Variants in MCPH1 observed in about 807,000 individuals in gnomAD.
The protein encoded by MCPH1 is microcephalin.
In MCPH1, 104 loss-of-function variants were observed where a neutral mutation model predicts 84.5. The observed-to-expected ratio is 1.23, with a 90% CI of 1.05 to 1.45. The LOEUF is 1.45. MCPH1 is among the 40% of genes most tolerant of loss of function. The pLI is 0.00. For synonymous variants in MCPH1, 514 were observed against 366.8 expected, an observed-to-expected ratio of 1.40 and a Z score of -4.58; for missense variants, 1,498 against 1,005.7, an observed-to-expected ratio of 1.49 and a Z score of -6.62.
At chr8:6,501,659 A>C (rs2442469) in intron 12 of MCPH1, 1 of 150,718 alleles carries the variant, frequency 6.6e-6, no homozygotes, top group Non-Finnish European at 1.5e-5. Flanking sequence ...GGTGCAAGCA[A>C]TTCTCCCTGC....
chr8:6,489,529 A>G (rs1473284900), intron 11 of MCPH1, among the ~76,000 whole-genome samples: 1 of 152,238 alleles, frequency 6.6e-6, no homozygotes, highest in Non-Finnish European at 1.5e-5. Context: ...GATGAATCCA[A>G]TGACTAAGAC....
chr8:6,637,600 C>T lies in MCPH1; in HGVS notation c.2453-5394C>T, dbSNP rs137963699. Among the ~76,000 whole-genome samples, 372 of 152,274 alleles carry T rather than the reference C, an allele frequency of 2.4e-3. 4 individuals carry two copies. Among genetic ancestry groups the T allele is most frequent in the African/African-American group, 8.4e-3 (348 of 41,540 alleles). On this transcript the variant is annotated intron_variant, in intron 13 of 13. Coordinates refer to ENST00000344683, the MANE Select transcript of MCPH1 (RefSeq NM_024596.5). Reference sequence around the variant, plus strand: ...CTGTTCTAAGGATAAATGGAAGTCACAGAACGATTTTAAGTGGGAGGATTA... The same window carrying T: ...CTGTTCTAAGGATAAATGGAAGTCATAGAACGATTTTAAGTGGGAGGATTA...
rs534796520 is a variant in MCPH1 at position 6,639,497 on chromosome 8, CA to C, written c.2453-3489del. On this transcript the variant is annotated intron_variant, in intron 13 of 13. Transcript: ENST00000344683. Reference sequence around the variant, plus strand: ...GCAACATAGAAAGACCGTGTCCCTACAAAAAAAATTTTAAAAGTAGCCTGGT... The same window carrying C: ...GCAACATAGAAAGACCGTGTCCCTACAAAAAAATTTTAAAAGTAGCCTGGT... 4.6e-5 allele frequency among the ~76,000 whole-genome samples: 7 copies of C among 151,850 alleles called. No individual in the cohort carries two copies. In the South Asian group the frequency reaches 1.5e-3, roughly 32 times the overall value.
chr8:6,476,880 C>G (rs1276127009), intron 9 of MCPH1, among the ~76,000 whole-genome samples: 7 of 152,166 alleles, frequency 4.6e-5, no homozygotes, highest in Admixed American at 4.6e-4. Context: ...CATACACACA[C>G]ACTCCTATAG....
rs989111398 is a variant in MCPH1, at chr8:6,441,452, T to C, written c.581-615T>C. On this transcript the variant is annotated intron_variant, in intron 6 of 13. Transcript: ENST00000344683. ...TATCCTTTTGAGTCTCTAAAAAATATCTTTGGATATAAGATCCAAACATTT... is the reference window on the plus strand; with the variant it reads ...TATCCTTTTGAGTCTCTAAAAAATACCTTTGGATATAAGATCCAAACATTT... Among the ~76,000 whole-genome samples, 4 of 152,246 alleles carry C rather than the reference T, an allele frequency of 2.6e-5. No homozygotes were observed. In the East Asian group the frequency reaches 5.8e-4, roughly 22 times the overall value.
chr8:6,634,797 G>C (rs1797423472), intron 13 of MCPH1: 1 of 152,184 alleles, frequency 6.6e-6, no homozygotes, highest in African/African-American at 2.4e-5. Flanking sequence ...TTGATGCTGT[G>C]TACTTTCCCC....
chr8:6,459,707 C>T lies in MCPH1; in HGVS notation c.1935+4455C>T, dbSNP rs550775305. Among the ~76,000 whole-genome samples the T allele has an allele frequency of 3.4e-4, 52 of 152,294 alleles. 1 individual carries two copies. The highest frequency in any genetic ancestry group is 1.9e-3 in the South Asian group (9 of 4,830). Reference sequence around the variant, plus strand: ...AATGATTTGAAACTCAGATGTGTCCCGTGGCCCTAATGACTTTATTTTCTT... The same window carrying T: ...AATGATTTGAAACTCAGATGTGTCCTGTGGCCCTAATGACTTTATTTTCTT... On this transcript the variant is annotated intron_variant, in intron 9 of 13. Coordinates refer to ENST00000344683, the MANE Select transcript of MCPH1 (RefSeq NM_024596.5).
At chr8:6,627,164 G>A (rs551890968) in intron 13 of MCPH1, 2 of 985,396 alleles carry the variant, frequency 2.0e-6, no homozygotes, top group African/African-American at 1.7e-5. Context: ...AAAAATGCAC[G>A]ACGCTCCCAT....
At chr8:6,450,787 A>C (rs1351529118) in intron 8 of MCPH1, among the ~76,000 whole-genome samples, 1 of 151,932 alleles carries the variant, frequency 6.6e-6, no homozygotes, top group African/African-American at 2.4e-5. Flanking sequence ...CTGTCACCCA[A>C]ATTGGAGTGC....
At chr8:6,461,356 C>T (rs1343390156) in intron 9 of MCPH1, among the ~76,000 whole-genome samples, 21 of 117,300 alleles carry the variant, frequency 1.8e-4, no homozygotes, top group Non-Finnish European at 2.9e-4. Context: ...GATGGAGTCT[C>T]GCTCTGTTGT....
At chr8:6,444,190 C>T (rs1366074089) in intron 7 of MCPH1, among the ~76,000 whole-genome samples, 1 of 152,192 alleles carries the variant, frequency 6.6e-6, no homozygotes, top group Non-Finnish European at 1.5e-5. Context: ...CTATCCCATA[C>T]ACCCATCAAA....
chr8:6,544,477 A>G (rs1822179143), intron 12 of MCPH1, among the ~76,000 whole-genome samples: 1 of 152,218 alleles, frequency 6.6e-6, no homozygotes, highest in Non-Finnish European at 1.5e-5. Flanking sequence ...ACTACAAAAT[A>G]TATGTTACGT....
chr8:6,592,623 G>GTTTTTTTTTT (rs573651366), intron 12 of MCPH1, among the ~76,000 whole-genome samples: 7 of 77,584 alleles, frequency 9.0e-5, no homozygotes, highest in African/African-American at 2.1e-4. Flanking sequence ...TCTTTTTTTT[G>GTTTTTTTTTT]TTTTTTTTTT....
chr8:6,581,457 C>G (rs1285052937), intron 12 of MCPH1, among the ~76,000 whole-genome samples: 1 of 152,174 alleles, frequency 6.6e-6, no homozygotes, highest in African/African-American at 2.4e-5. Context: ...ATCAAGAACT[C>G]AAGATTAGGG....
intron 12 of MCPH1, among the ~76,000 whole-genome samples, chr8:6,566,997 A>G (rs1563138291): frequency 2.9e-5 from 4 of 138,132 alleles, no homozygotes; most frequent in Non-Finnish European, 6.1e-5. Context: ...ACGGTGTGTG[A>G]TCGGCAAGGC....
intron 12 of MCPH1, among the ~76,000 whole-genome samples, chr8:6,537,472 GC>G (rs1179957106): frequency 1.3e-5 from 2 of 151,720 alleles, no homozygotes; most frequent in African/African-American, 2.4e-5. Flanking sequence ...AAAGAGTTGC[GC>G]CCCAGACATA....
intron 2 of MCPH1, among the ~76,000 whole-genome samples, chr8:6,410,108 T>C (rs1798329827): frequency 1.3e-5 from 2 of 152,062 alleles, no homozygotes; most frequent in Non-Finnish European, 2.9e-5. Context: ...TATCTGGGAC[T>C]ACAGGCACAT....
chr8:6,553,013 T>G (rs1044453737), intron 12 of MCPH1, among the ~76,000 whole-genome samples: 1 of 152,186 alleles, frequency 6.6e-6, no homozygotes, highest in Non-Finnish European at 1.5e-5. Context: ...AGCTGCTCTG[T>G]GTGATGCTAC....
intron 12 of MCPH1, chr8:6,514,812 G>A (rs1563325634): frequency 1.9e-6 from 3 of 1,576,690 alleles, no homozygotes; most frequent in Admixed American, 1.7e-5. Flanking sequence ...AAGTGACAGA[G>A]CCCCCCCACT....
Sources: gnomAD v4.1 joint callset for allele counts (sites outside exome capture counted in the v4.1 genomes callset) on GRCh38, gnomAD v4.1.1 for gene constraint, MANE v1.5 for transcripts, NCBI Gene and HGNC (gene_info 2026-07-23, HGNC 2026-07-21) for gene names.